Variants in CRIM1 observed in about 807,000 individuals in gnomAD.
CRIM1 encodes the protein cysteine-rich motor neuron 1 protein.
A neutral mutation model predicts 116.4 loss-of-function variants in CRIM1; 32 were observed. That is an observed-to-expected ratio of 0.27 (90% CI 0.21 to 0.37). CRIM1 has a LOEUF of 0.37. Ranked by LOEUF, CRIM1 falls within the 10% of genes least tolerant of loss-of-function variation. The probability of loss-of-function intolerance (pLI) is 1.00; values close to 1 mark genes in which losing one functional copy is unlikely to be tolerated. For synonymous variants in CRIM1, 590 were observed against 509.2 expected, an observed-to-expected ratio of 1.16 and a Z score of -2.13; for missense variants, 1,331 against 1,354.8, an observed-to-expected ratio of 0.98 and a Z score of 0.28.
chr2:36,472,025 C>A lies in CRIM1; in HGVS notation c.992-4864C>A, dbSNP rs564088391. 2.8e-4 allele frequency among the ~76,000 whole-genome samples: 42 copies of A among 152,264 alleles called. No individual in the cohort carries two copies. The South Asian group carries it at 8.7e-3, about 32-fold the overall frequency. ...TACTAATAGTCTATATTACAAAATT[C>A]TCTTTTAGGAGTTCTGAAGTATATT... On this transcript the variant is annotated intron_variant, in intron 5 of 16. Transcript: ENST00000280527.
intron 1 of CRIM1, among the ~76,000 whole-genome samples, chr2:36,375,648 C>T (rs1473379631): frequency 2.0e-5 from 3 of 152,098 alleles, no homozygotes; most frequent in African/African-American, 7.2e-5. Flanking sequence ...CCAGAAAACC[C>T]TGAACCTGGC....
chr2:36,517,150 C>T (rs1431924792), intron 11 of CRIM1, among the ~76,000 whole-genome samples, 177 bp from the exon 12 acceptor site: 2 of 152,142 alleles, frequency 1.3e-5, no homozygotes, highest in Admixed American at 1.3e-4. Context: ...AGCTCTTTTG[C>T]CATTGTCTTC....
intron 5 of CRIM1, 32 bp from the exon 6 acceptor site, chr2:36,476,857 A>G (rs1679011067): frequency 6.4e-7 from 1 of 1,566,590 alleles, no homozygotes; most frequent in African/African-American, 1.4e-5. Flanking sequence ...AAATGACTAC[A>G]AATATGCCTT....
At chr2:36,368,419 C>T (rs952681383) in intron 1 of CRIM1, among the ~76,000 whole-genome samples, 9 of 152,238 alleles carry the variant, frequency 5.9e-5, no homozygotes, top group Non-Finnish European at 8.8e-5. Flanking sequence ...GAAACTTCAC[C>T]CTTCCTTTGC....
intron 7 of CRIM1, among the ~76,000 whole-genome samples, chr2:36,487,081 A>G (rs1020725986): frequency 3.3e-5 from 5 of 152,202 alleles, no homozygotes; most frequent in African/African-American, 1.2e-4. Flanking sequence ...AGAATTTAAC[A>G]TTTTAATTAG....
chr2:36,378,359 G>C (rs905857633), intron 1 of CRIM1: 25 of 471,180 alleles, frequency 5.3e-5, no homozygotes, highest in African/African-American at 5.0e-4. Flanking sequence ...CTCTCTAGCT[G>C]CGGGGTATTG....
chr2:36,362,884 T>C (rs972610323), intron 1 of CRIM1, among the ~76,000 whole-genome samples: 16 of 152,010 alleles, frequency 1.1e-4, no homozygotes, highest in Non-Finnish European at 2.1e-4. Flanking sequence ...TACCTACATG[T>C]TGGTGGAAAA....
At chr2:36,432,708 G>A (rs950612963) in intron 2 of CRIM1, among the ~76,000 whole-genome samples, 4 of 152,060 alleles carry the variant, frequency 2.6e-5, no homozygotes, top group African/African-American at 9.7e-5. Context: ...AAATCTCCTG[G>A]GAGTGTAGAG....
intron 5 of CRIM1, among the ~76,000 whole-genome samples, chr2:36,471,824 G>C (rs1052273528): frequency 1.1e-4 from 16 of 151,936 alleles, no homozygotes; most frequent in African/African-American, 3.9e-4. Flanking sequence ...TGGCCCGCAG[G>C]CTGCAGGTTA....
chr2:36,392,085 A>G (rs1028356985), intron 1 of CRIM1, among the ~76,000 whole-genome samples: 1 of 152,234 alleles, frequency 6.6e-6, no homozygotes, highest in African/African-American at 2.4e-5. Flanking sequence ...ATACTGAAGT[A>G]CAGAGCTTGT....
intron 14 of CRIM1, among the ~76,000 whole-genome samples, chr2:36,537,844 A>G (rs1012368859): frequency 2.0e-5 from 3 of 152,246 alleles, no homozygotes; most frequent in Non-Finnish European, 4.4e-5. Flanking sequence ...AGACTAGCAC[A>G]GTTTTAGTGC....
intron 4 of CRIM1, among the ~76,000 whole-genome samples, chr2:36,460,952 T>C (rs1473058855): frequency 2.0e-5 from 3 of 152,100 alleles, no homozygotes; most frequent in African/African-American, 7.2e-5. Flanking sequence ...GGGCAGGCAG[T>C]GCAGAGACAG....
At position 36,416,569 on chromosome 2, in the gene CRIM1, C is replaced by T. The variant is rs372164157; in HGVS notation, c.505+19782C>T. Among the ~76,000 whole-genome samples, 6 of 152,340 alleles carry T rather than the reference C, an allele frequency of 3.9e-5. No individual in the cohort carries two copies. In the East Asian group the frequency reaches 1.2e-3, roughly 29 times the overall value. Reference sequence around the variant, plus strand: ...TTTGTCTTCTGAAAGGAAGAGACATCACAGGTTTAGTATTTTTTGACCTGT... The same window carrying T: ...TTTGTCTTCTGAAAGGAAGAGACATTACAGGTTTAGTATTTTTTGACCTGT... On this transcript the variant is annotated intron_variant, in intron 2 of 16. Transcript: ENST00000280527.
intron 4 of CRIM1, among the ~76,000 whole-genome samples, chr2:36,462,434 C>G (rs1054494130): frequency 1.3e-5 from 2 of 152,210 alleles, no homozygotes; most frequent in African/African-American, 4.8e-5. Flanking sequence ...TCATGGCAGA[C>G]TTAGTCATGG....
At chr2:36,420,027 T>C (rs1395561596) in intron 2 of CRIM1, among the ~76,000 whole-genome samples, 1 of 152,222 alleles carries the variant, frequency 6.6e-6, no homozygotes, top group Non-Finnish European at 1.5e-5. Flanking sequence ...TTCTGACTTC[T>C]GTTTCCTCTT....
At chr2:36,464,765 G>A (rs1312726734) in intron 5 of CRIM1, 110 bp downstream of exon 5, 6 of 1,341,418 alleles carry the variant, frequency 4.5e-6, no homozygotes, top group Non-Finnish European at 6.3e-6. Context: ...TTACCTTCAG[G>A]GGCTTGCTGA....
At chr2:36,375,684 A>G (rs913613750) in intron 1 of CRIM1, among the ~76,000 whole-genome samples, 7 of 152,326 alleles carry the variant, frequency 4.6e-5, no homozygotes, top group East Asian at 1.9e-4. Context: ...AAGAGTACCT[A>G]TTTAGACTTT....
intron 4 of CRIM1, among the ~76,000 whole-genome samples, chr2:36,450,063 A>G (rs1220866210): frequency 6.6e-6 from 1 of 152,092 alleles, no homozygotes; most frequent in Non-Finnish European, 1.5e-5. Flanking sequence ...TTACATCTAT[A>G]AATAGATAGT....
chr2:36,376,831 A>G (rs1478445800), intron 1 of CRIM1, among the ~76,000 whole-genome samples: 3 of 152,158 alleles, frequency 2.0e-5, no homozygotes, highest in Non-Finnish European at 2.9e-5. Context: ...AATAATGAAC[A>G]CCAAGCTTCT....
Sources: gnomAD v4.1 joint callset for allele counts (sites outside exome capture counted in the v4.1 genomes callset) on GRCh38, gnomAD v4.1.1 for gene constraint, MANE v1.5 for transcripts, NCBI Gene and HGNC (gene_info 2026-07-23, HGNC 2026-07-21) for gene names.